DLC1: variants seen among roughly 807,000 people sequenced by gnomAD.
The protein encoded by DLC1 is rho GTPase-activating protein 7.
A neutral mutation model predicts 140.3 loss-of-function variants in DLC1; 54 were observed. The observed-to-expected ratio is 0.38, with a 90% CI of 0.31 to 0.48. The LOEUF (loss-of-function observed/expected upper bound fraction) is 0.48, where lower values mean the gene tolerates loss of function less well. Among genes scored for constraint, DLC1 ranks in the 20% least tolerant of loss-of-function variants. The probability of loss-of-function intolerance (pLI) is 0.96; values close to 1 mark genes in which losing one functional copy is unlikely to be tolerated. For synonymous variants in DLC1, 986 were observed against 728.1 expected (o/e 1.35, Z -5.70); for missense variants, 2,536 against 1,907.0 (o/e 1.33, Z -6.14).
At chr8:13,375,280 G>T (rs1378249884) in intron 4 of DLC1, among the ~76,000 whole-genome samples, 1 of 152,234 alleles carries the variant, frequency 6.6e-6, no homozygotes, top group African/African-American at 2.4e-5. Context: ...ACCCACCTCG[G>T]CCTCCCAAAG....
chr8:13,554,663 C>T (rs1463438208), intron 1 of DLC1, among the ~76,000 whole-genome samples: 2 of 152,138 alleles, frequency 1.3e-5, no homozygotes, highest in Non-Finnish European at 2.9e-5. Flanking sequence ...TTCAAAATGT[C>T]TCTGAAATAT....
intron 4 of DLC1, among the ~76,000 whole-genome samples, chr8:13,319,596 T>C (rs1586130485): frequency 8.0e-6 from 1 of 124,920 alleles, no homozygotes; most frequent in African/African-American, 2.8e-5. Context: ...GCGCCAGCCA[T>C]GTAGGATGCG....
At chr8:13,133,169 A>C in intron 5 of DLC1, 1 of 1,436,840 alleles carries the variant, frequency 7.0e-7, no homozygotes, top group Non-Finnish European at 9.1e-7. Context: ...TAAAGATCGA[A>C]ACGAGGGAGC....
chr8:13,469,619 A>G (rs58299259), intron 2 of DLC1, among the ~76,000 whole-genome samples: 37,713 of 152,168 alleles, frequency 0.25, 5,790 homozygotes, highest in Middle Eastern at 0.38. Flanking sequence ...TATGTTGTAT[A>G]ATTTTTCATT....
At chr8:13,423,406 A>T (rs1408160047) in intron 2 of DLC1, among the ~76,000 whole-genome samples, 4 of 152,264 alleles carry the variant, frequency 2.6e-5, no homozygotes, top group African/African-American at 9.6e-5. Flanking sequence ...CATTTAAGTG[A>T]TTTGGAGAAG....
chr8:13,154,821 T>C (rs1464577097), intron 5 of DLC1, among the ~76,000 whole-genome samples: 1 of 151,852 alleles, frequency 6.6e-6, no homozygotes, highest in East Asian at 1.9e-4. Flanking sequence ...GAAGAAAAAA[T>C]AGAAAAACGA....
chr8:13,371,274 C>T (rs1729172), intron 4 of DLC1, among the ~76,000 whole-genome samples: 98,629 of 151,988 alleles, frequency 0.65, 32,711 homozygotes, highest in East Asian at 0.84. Context: ...CCTGGATTTC[C>T]AGAACAGCCT....
intron 2 of DLC1, among the ~76,000 whole-genome samples, chr8:13,470,079 C>T (rs73208056): frequency 0.31 from 47,706 of 151,656 alleles, 7,909 homozygotes; most frequent in Middle Eastern, 0.42. Context: ...TTATTTTTTT[C>T]CCCCTTTGGT....
intron 4 of DLC1, among the ~76,000 whole-genome samples, chr8:13,387,471 G>A (rs184119823): frequency 1.2e-3 from 180 of 150,762 alleles, no homozygotes; most frequent in African/African-American, 4.3e-3. Flanking sequence ...TTAAAATGAT[G>A]TGAAAGGTAG....
chr8:13,466,111 A>G lies in DLC1; in HGVS notation c.1023+32938T>C, dbSNP rs75676777. Among the ~76,000 whole-genome samples the G allele has an allele frequency of 3.7e-3, 569 of 152,268 alleles. 12 individuals are homozygous for G. In the South Asian group the frequency reaches 0.062, roughly 17 times the overall value. ...CTGCAACGACAAGCACACAGCCACA[A>G]TGTGACTCCACAGAGCTCACACCTG... On this transcript the variant is annotated intron_variant, in intron 2 of 17. Transcript: ENST00000276297.
chr8:13,314,904 C>G (rs746029902), intron 4 of DLC1, among the ~76,000 whole-genome samples: 2 of 152,136 alleles, frequency 1.3e-5, no homozygotes, highest in Non-Finnish European at 2.9e-5. Flanking sequence ...GTGGTAACCA[C>G]CCACAAATTT....
chr8:13,154,416 C>A lies in DLC1; in HGVS notation c.1349-38759G>T, dbSNP rs552703426. On this transcript the variant is annotated intron_variant, in intron 5 of 17. Coordinates refer to ENST00000276297, the MANE Select transcript of DLC1 (RefSeq NM_182643.3). ...GCCAGCAGTGCTGGGGGACCCGGCG[C>A]CCCCTCCGCAGCTGCTGGCCTGCGT... Among the ~76,000 whole-genome samples the A allele has an allele frequency of 7.2e-5, 11 of 152,348 alleles. No homozygotes were observed. In the East Asian group the frequency reaches 1.9e-3, roughly 27 times the overall value.
intron 1 of DLC1, among the ~76,000 whole-genome samples, chr8:13,574,958 G>A (rs1018747309): frequency 6.6e-6 from 1 of 152,200 alleles, no homozygotes; most frequent in Non-Finnish European, 1.5e-5. Context: ...TAGGGATTGG[G>A]AGTAGGTGTG....
At chr8:13,324,483 G>A (rs1016241618) in intron 4 of DLC1, among the ~76,000 whole-genome samples, 12 of 148,992 alleles carry the variant, frequency 8.1e-5, no homozygotes, top group African/African-American at 3.0e-4. Context: ...CAGGAGAATG[G>A]CGTGAACCTG....
chr8:13,173,185 G>A (rs1432593133), intron 5 of DLC1, among the ~76,000 whole-genome samples: 1 of 152,036 alleles, frequency 6.6e-6, no homozygotes, highest in African/African-American at 2.4e-5. Flanking sequence ...CCCCATGAGA[G>A]GTTTGGCTTC....
In DLC1 at chr8:13,499,551, A is replaced by G; in HGVS notation, c.521T>C (p.Leu174Pro). Residue 174 changes from leucine to proline, a missense_variant, in exon 2 of 18, where the codon CTG (leucine) becomes CCG (proline). Leu to Pro is a moderately conservative substitution (Grantham distance 98). Coordinates refer to ENST00000276297, the MANE Select transcript of DLC1 (RefSeq NM_182643.3). ...WGIAGETELA[L>P]VKESGERKVT... ...TTTTCTCTCCCCACTTTCTTTTACC[A>G]GTGCTAATTCAGTTTCACCAGCTAT... 1.2e-6 allele frequency: 2 copies of G among 1,614,122 alleles called. No homozygotes were observed. The highest frequency in any genetic ancestry group is 2.2e-5 in the East Asian group (1 of 44,880).
At chr8:13,164,072 G>A (rs999432981) in intron 5 of DLC1, among the ~76,000 whole-genome samples, 12 of 152,010 alleles carry the variant, frequency 7.9e-5, no homozygotes, top group South Asian at 2.1e-4. Flanking sequence ...CGAGGCGGGC[G>A]GATCACCTGA....
intron 1 of DLC1, 118 bp from the exon 2 acceptor site, chr8:13,500,314 TG>T: frequency 2.6e-6 from 1 of 385,620 alleles, no homozygotes; most frequent in African/African-American, 2.0e-5. Context: ...ATAAAGCTTC[TG>T]TTTAGTAGCT....
At chr8:13,354,497 T>C (rs1324110678) in intron 4 of DLC1, among the ~76,000 whole-genome samples, 2 of 142,452 alleles carry the variant, frequency 1.4e-5, no homozygotes, top group Non-Finnish European at 1.5e-5. Context: ...AGTATGGGCA[T>C]GGAAATAAAT....
Sources: allele counts gnomAD v4.1 joint callset (sites outside exome capture counted in the v4.1 genomes callset), GRCh38; gene constraint gnomAD v4.1.1; transcripts MANE v1.5; gene names NCBI Gene and HGNC (gene_info 2026-07-23, HGNC 2026-07-21).